Variants in ACTR3C observed in about 807,000 individuals in gnomAD.
ACTR3C encodes actin-related protein 3C.
ACTR3C carries 18 observed loss-of-function variants against 26.3 expected under a neutral mutation model. That is an observed-to-expected ratio of 0.68 (90% CI 0.47 to 1.01). The LOEUF (loss-of-function observed/expected upper bound fraction) is 1.01. Among genes scored for constraint, ACTR3C ranks in the 50% least tolerant of loss-of-function variants. The pLI is 0.00. For synonymous variants in ACTR3C, 55 were observed against 94.5 expected (o/e 0.58, Z 2.42); for missense variants, 184 against 250.7 (o/e 0.73, Z 1.80).
the ACTR3C span, among the ~76,000 whole-genome samples, chr7:150,221,998 C>CAAAAAAAAAAAAAAAAAAAAAAAAA: frequency 1.3e-4 from 10 of 79,798 alleles, no homozygotes; most frequent in African/African-American, 4.1e-4. Flanking sequence ...ACTCCGTCTC[C>CAAAAAAAAAAAAAAAAAAAAAAAAA]AAAAAAAAAA....
At chr7:149,932,237 G>A in the ACTR3C span, among the ~76,000 whole-genome samples, 2 of 152,132 alleles carry the variant, frequency 1.3e-5, no homozygotes, top group East Asian at 3.8e-4. Flanking sequence ...ATTCACAAAA[G>A]TCCAAATGAC....
At chr7:150,058,691 T>C in the ACTR3C span, among the ~76,000 whole-genome samples, 14 of 152,148 alleles carry the variant, frequency 9.2e-5, no homozygotes, top group South Asian at 4.2e-4. Flanking sequence ...CCAAGGTGGG[T>C]GGATCACGAG....
the ACTR3C span, among the ~76,000 whole-genome samples, chr7:150,123,610 C>T: frequency 7.1e-6 from 1 of 139,932 alleles, no homozygotes; most frequent in Non-Finnish European, 1.6e-5. Flanking sequence ...CACACACACA[C>T]ACAAACACAC....
the ACTR3C span, among the ~76,000 whole-genome samples, chr7:150,151,195 T>G: frequency 7.5e-6 from 1 of 133,536 alleles, no homozygotes. Context: ...TTAGTTTCTA[T>G]AACACACAAT....
At chr7:150,143,515 T>TA in the ACTR3C span, among the ~76,000 whole-genome samples, 1 of 152,198 alleles carries the variant, frequency 6.6e-6, no homozygotes, top group Non-Finnish European at 1.5e-5. Flanking sequence ...AATAGTCATG[T>TA]AACAGCTACG....
At chr7:149,917,403 C>T in the ACTR3C span, among the ~76,000 whole-genome samples, 96,373 of 151,944 alleles carry the variant, frequency 0.63, 33,408 homozygotes, top group Non-Finnish European at 0.77. Context: ...AGTTCTTGCA[C>T]GAAGACTCTT....
chr7:150,037,545 C>CG, the ACTR3C span, among the ~76,000 whole-genome samples: 2 of 56,934 alleles, frequency 3.5e-5, no homozygotes, highest in African/African-American at 6.3e-5. Context: ...GGGGTGCCTC[C>CG]CCCTCGTGCG....
At chr7:149,992,968 C>A in the ACTR3C span, among the ~76,000 whole-genome samples, 1 of 151,872 alleles carries the variant, frequency 6.6e-6, no homozygotes, top group African/African-American at 2.4e-5. Context: ...GTGCCAGAGT[C>A]CAAAGGCGGA....
the ACTR3C span, among the ~76,000 whole-genome samples, chr7:150,146,435 A>T: frequency 6.6e-6 from 1 of 152,128 alleles, no homozygotes; most frequent in Non-Finnish European, 1.5e-5. Flanking sequence ...TCCTTTTCTT[A>T]CCAATTTTTC....
At chr7:149,897,077 A>C in the ACTR3C span, among the ~76,000 whole-genome samples, 4 of 151,786 alleles carry the variant, frequency 2.6e-5, no homozygotes, top group South Asian at 2.1e-4. Context: ...AAAAAAAAAA[A>C]AAAAACAAGA....
the ACTR3C span, among the ~76,000 whole-genome samples, chr7:150,163,394 G>A: frequency 6.6e-6 from 1 of 151,462 alleles, no homozygotes; most frequent in African/African-American, 2.4e-5. Context: ...ATGTGTGTGT[G>A]TGTGTGTGTA....
At chr7:150,036,306 G>T in the ACTR3C span, among the ~76,000 whole-genome samples, 1 of 147,756 alleles carries the variant, frequency 6.8e-6, no homozygotes, top group Non-Finnish European at 1.5e-5. Context: ...TGCTGCCAAG[G>T]CCCTCAAATA....
the ACTR3C span, among the ~76,000 whole-genome samples, chr7:150,087,513 G>A: frequency 6.6e-6 from 1 of 152,212 alleles, no homozygotes; most frequent in Non-Finnish European, 1.5e-5. Flanking sequence ...GGGGAAGCAT[G>A]AGGGGGCTCC....
chr7:149,928,351 C>T, the ACTR3C span, among the ~76,000 whole-genome samples: 1 of 149,970 alleles, frequency 6.7e-6, no homozygotes, highest in African/African-American at 2.4e-5. Context: ...AATTAGCCCG[C>T]CAGTGTGCCC....
chr7:150,307,924 C>T (rs1795936985), intron 1 of ACTR3C, among the ~76,000 whole-genome samples: 1 of 152,222 alleles, frequency 6.6e-6, no homozygotes, highest in Admixed American at 6.5e-5. Flanking sequence ...ATTTCCACGT[C>T]ACCCTTCAAT....
chr7:149,906,100 A>C, the ACTR3C span, among the ~76,000 whole-genome samples: 1 of 152,214 alleles, frequency 6.6e-6, no homozygotes, highest in African/African-American at 2.4e-5. Context: ...TACATGACAA[A>C]AACATAATAT....
the ACTR3C span, among the ~76,000 whole-genome samples, chr7:149,908,867 C>T: frequency 6.6e-6 from 1 of 151,956 alleles, no homozygotes; most frequent in Admixed American, 6.6e-5. Flanking sequence ...CTGCAACCTC[C>T]ACCCCCCAGC....
At chr7:150,253,150 C>T (rs1318299296) in intron 6 of ACTR3C, among the ~76,000 whole-genome samples, 4 of 151,868 alleles carry the variant, frequency 2.6e-5, no homozygotes, top group Non-Finnish European at 5.9e-5. Flanking sequence ...AAGATGGTGG[C>T]AGAGCGGGCC....
chr7:150,029,069 A>G, the ACTR3C span, among the ~76,000 whole-genome samples: 1 of 151,860 alleles, frequency 6.6e-6, no homozygotes. Flanking sequence ...CCAAGAATCA[A>G]CAATAGAATA....
Sources: allele counts gnomAD v4.1 joint callset (sites outside exome capture counted in the v4.1 genomes callset), GRCh38; gene constraint gnomAD v4.1.1; transcripts MANE v1.5; gene names NCBI Gene and HGNC (gene_info 2026-07-23, HGNC 2026-07-21).